The following PALS2 variants were observed in gnomAD, a reference collection of about 807,000 sequenced individuals.
The protein encoded by PALS2 is protein PALS2.
In PALS2, 27 loss-of-function variants were observed where a neutral mutation model predicts 61.6. That is an observed-to-expected ratio of 0.44 (90% CI 0.32 to 0.60). The LOEUF is 0.60. PALS2 is among the 20% of genes least tolerant of loss of function. The probability of loss-of-function intolerance (pLI) is 0.05; values close to 1 mark genes in which losing one functional copy is unlikely to be tolerated. For missense variants in PALS2, 554 were observed against 639.4 expected (o/e 0.87, Z 1.44); for synonymous variants, 236 against 218.6 (o/e 1.08, Z -0.70).
chr7:24,597,181 G>T (rs1432548052), intron 1 of PALS2: 1 of 152,168 alleles, frequency 6.6e-6, no homozygotes, highest in South Asian at 2.1e-4. Context: ...AAAGAAGGCA[G>T]TTGAAGAAAG....
chr7:24,633,783 A>G (rs577573087), intron 2 of PALS2, among the ~76,000 whole-genome samples: 102 of 152,190 alleles, frequency 6.7e-4, no homozygotes, highest in Admixed American at 2.3e-3. Context: ...ACTGTGTTTC[A>G]TTGAGGAACT....
At chr7:24,582,894 T>TC (rs1782900121) in intron 1 of PALS2, among the ~76,000 whole-genome samples, 1 of 136,054 alleles carries the variant, frequency 7.4e-6, no homozygotes. Context: ...TTTTTTTTTT[T>TC]TTTTTTTTTT....
intron 1 of PALS2, among the ~76,000 whole-genome samples, chr7:24,587,737 T>TG (rs11408497): frequency 0.063 from 9,588 of 152,148 alleles, 355 homozygotes; most frequent in African/African-American, 0.093. Flanking sequence ...ACTTTACTTT[T>TG]GTCTGAGTCT....
At chr7:24,643,342 A>C (rs931188495) in intron 3 of PALS2, among the ~76,000 whole-genome samples, 3 of 152,158 alleles carry the variant, frequency 2.0e-5, no homozygotes, top group Admixed American at 6.5e-5. Flanking sequence ...ATACCAGCAA[A>C]TAAAAATACA....
chr7:24,665,994 A>C (rs747860779), intron 7 of PALS2, 27 bp from the exon 8 acceptor site: 1 of 1,576,912 alleles, frequency 6.3e-7, no homozygotes, highest in South Asian at 1.1e-5. Context: ...ATACTGCTTA[A>C]GTTATATTTG....
chr7:24,659,367 T>A lies in PALS2; in HGVS notation c.652-4223T>A, dbSNP rs533678321. ...TATATTCCTTTGGGTATGTACCCAG[T>A]AATGGGATTGCTGGGTCAAATGATA... On this transcript the variant is annotated intron_variant, in intron 5 of 11. Transcript: ENST00000222644. Among the ~76,000 whole-genome samples the A allele has an allele frequency of 2.6e-5, 4 of 152,342 alleles. No homozygotes were observed. In the South Asian group the frequency reaches 8.3e-4, roughly 32 times the overall value.
At chr7:24,652,756 A>T (rs1786224162) in intron 5 of PALS2, among the ~76,000 whole-genome samples, 1 of 152,152 alleles carries the variant, frequency 6.6e-6, no homozygotes, top group Non-Finnish European at 1.5e-5. Flanking sequence ...AGTGCTGTGG[A>T]GCTAGTCTCA....
intron 3 of PALS2, among the ~76,000 whole-genome samples, chr7:24,647,886 A>G (rs191213642): frequency 1.3e-5 from 2 of 152,186 alleles, no homozygotes; most frequent in South Asian, 4.1e-4. Flanking sequence ...AATTTTTACT[A>G]TAAAAATCTG....
intron 1 of PALS2, among the ~76,000 whole-genome samples, chr7:24,579,575 C>T (rs900691672): frequency 1.3e-5 from 2 of 152,004 alleles, no homozygotes; most frequent in Admixed American, 6.6e-5. Context: ...ATTCCCCTTT[C>T]TTCTACCCCA....
intron 2 of PALS2, among the ~76,000 whole-genome samples, chr7:24,639,331 G>A (rs1785395460): frequency 1.3e-5 from 2 of 151,866 alleles, no homozygotes; most frequent in African/African-American, 2.4e-5. Flanking sequence ...GTGAACTCAC[G>A]CAAATCACTT....
At chr7:24,575,082 ATG>A (rs1782595410) in intron 1 of PALS2, among the ~76,000 whole-genome samples, 1 of 152,178 alleles carries the variant, frequency 6.6e-6, no homozygotes, top group Non-Finnish European at 1.5e-5. Context: ...TGTTTGCACG[ATG>A]TGTTACTCTT....
rs1358994810 is a variant in PALS2 at position 24,691,416 on chromosome 7, T to C, written c.*3802T>C. ...GTGTGTGTGTGTGTGTATATATATA[T>C]ATATATATATATATATATATATATA... On this transcript the variant is annotated 3_prime_UTR_variant, in exon 12 of 12. Coordinates refer to ENST00000222644, the MANE Select transcript of PALS2 (RefSeq NM_001303037.2). The C allele has an allele frequency of 1.5e-5, 2 of 129,302 alleles. No individual in the cohort carries two copies. The highest frequency in any genetic ancestry group is 5.5e-5 in the African/African-American group (2 of 36,200). The allele number at this position is 129,302 out of a possible 1,614,324, so 8.0% of individuals were successfully genotyped here.
chr7:24,655,152 A>T (rs375018838), intron 5 of PALS2, among the ~76,000 whole-genome samples: 12 of 152,238 alleles, frequency 7.9e-5, no homozygotes, highest in African/African-American at 2.9e-4. Flanking sequence ...ATTGGTATAA[A>T]CACATTGGGG....
intron 2 of PALS2, among the ~76,000 whole-genome samples, chr7:24,625,043 A>G (rs901888910): frequency 7.2e-5 from 11 of 152,278 alleles, no homozygotes; most frequent in South Asian, 6.2e-4. Flanking sequence ...AGCCTTTCCA[A>G]TGTTCATTAG....
chr7:24,682,880 A>G (rs954376992), intron 11 of PALS2, among the ~76,000 whole-genome samples: 1 of 150,706 alleles, frequency 6.6e-6, no homozygotes, highest in Admixed American at 6.6e-5. Context: ...ATTTTCCTCT[A>G]TCCCTTCTAT....
chr7:24,679,742 A>G (rs376812151), intron 10 of PALS2, among the ~76,000 whole-genome samples: 9 of 151,906 alleles, frequency 5.9e-5, no homozygotes, highest in African/African-American at 1.5e-4. Context: ...TTGTCACTCT[A>G]TATTTCTGTC....
In PALS2 at chr7:24,667,152, A is replaced by G. The variant is rs151065182; in HGVS notation, c.952+1063A>G. 8.2e-4 allele frequency among the ~76,000 whole-genome samples: 125 copies of G among 152,326 alleles called. 1 individual carries two copies. The East Asian group carries it at 0.022, about 27-fold the overall frequency. On this transcript the variant is annotated intron_variant, in intron 8 of 11. Transcript: ENST00000222644. The stretch of plus-strand genomic sequence containing the variant: ...GTTATTACTACAGATTGAGAGTTAC[A>G]GTAATAACAGGTAATATAATATTTC...
At chr7:24,606,624 T>C (rs1221590502) in intron 1 of PALS2, among the ~76,000 whole-genome samples, 4 of 152,166 alleles carry the variant, frequency 2.6e-5, no homozygotes, top group Non-Finnish European at 5.9e-5. Flanking sequence ...TCATTTTGTT[T>C]TTTTGAGATG....
chr7:24,632,988 A>G (rs897084164), intron 2 of PALS2, among the ~76,000 whole-genome samples: 2 of 151,664 alleles, frequency 1.3e-5, no homozygotes, highest in Admixed American at 6.6e-5. Flanking sequence ...TACCACTTAC[A>G]GTGCAACTAC....
Sources: allele counts gnomAD v4.1 joint callset (sites outside exome capture counted in the v4.1 genomes callset), GRCh38; gene constraint gnomAD v4.1.1; transcripts MANE v1.5; gene names NCBI Gene and HGNC (gene_info 2026-07-23, HGNC 2026-07-21).